The following TFDP2 variants were observed in gnomAD, a reference collection of about 807,000 sequenced individuals.
The protein encoded by TFDP2 is transcription factor Dp-2 (E2F dimerization partner 2).
Under a neutral mutation model 59.3 loss-of-function variants are expected in TFDP2, and 17 were observed. The ratio of observed to expected loss-of-function variants is 0.29; its 90% CI spans 0.20 to 0.43. TFDP2 has a LOEUF of 0.43. TFDP2 is among the 20% of genes least tolerant of loss of function. The pLI, the probability that TFDP2 is intolerant of heterozygous loss-of-function variation, is 1.00. For synonymous variants in TFDP2, 180 were observed against 194.7 expected, an observed-to-expected ratio of 0.92 and a Z score of 0.63; for missense variants, 391 against 528.8, an observed-to-expected ratio of 0.74 and a Z score of 2.56.
chr3:141,958,810 G>A (rs1205750038), intron 11 of TFDP2, among the ~76,000 whole-genome samples: 2 of 152,090 alleles, frequency 1.3e-5, no homozygotes, highest in Admixed American at 6.6e-5. Context: ...GGTTTACCCC[G>A]TTCTGCCCTT....
At chr3:142,078,254 G>GCT (rs1176655484) in intron 3 of TFDP2, among the ~76,000 whole-genome samples, 1 of 152,130 alleles carries the variant, frequency 6.6e-6, no homozygotes, top group African/African-American at 2.4e-5. Context: ...AGGAGAACTC[G>GCT]CTGCCCTGAA....
chr3:141,993,454 C>T (rs11569212), intron 6 of TFDP2, 84 bp downstream of exon 6: 11,253 of 771,174 alleles, frequency 0.015, 251 homozygotes, highest in East Asian at 0.084. Flanking sequence ...AGAAAAACAT[C>T]GCATTAAACC....
chr3:142,040,798 G>A (rs569367964), intron 3 of TFDP2, among the ~76,000 whole-genome samples: 10 of 152,202 alleles, frequency 6.6e-5, no homozygotes, highest in Admixed American at 1.3e-4. Flanking sequence ...CAGCTACTTA[G>A]GAGGCTAAGG....
intron 2 of TFDP2, among the ~76,000 whole-genome samples, chr3:142,097,021 T>C (rs975288538): frequency 1.3e-5 from 2 of 152,210 alleles, no homozygotes; most frequent in East Asian, 1.9e-4. Flanking sequence ...ACACAGACCA[T>C]ATGCAAAAGA....
chr3:142,142,500 C>A (rs530393833), intron 1 of TFDP2, among the ~76,000 whole-genome samples: 1 of 152,212 alleles, frequency 6.6e-6, no homozygotes, highest in Non-Finnish European at 1.5e-5. Context: ...TTGAAAGAAT[C>A]AATATTGTTA....
chr3:142,002,317 G>GTTTTTTT (rs750047190), intron 4 of TFDP2, among the ~76,000 whole-genome samples: 7 of 106,854 alleles, frequency 6.6e-5, no homozygotes, highest in South Asian at 3.2e-4. Flanking sequence ...TATTTTTAGT[G>GTTTTTTT]TTTTTTTTTT....
At chr3:141,987,938 C>CAAAAA (rs373394427) in intron 6 of TFDP2, among the ~76,000 whole-genome samples, 1 of 129,554 alleles carries the variant, frequency 7.7e-6, no homozygotes, top group Admixed American at 7.5e-5. Flanking sequence ...GACCCTGCCT[C>CAAAAA]AAAAAAAAAA....
intron 1 of TFDP2, among the ~76,000 whole-genome samples, chr3:142,108,958 T>A (rs1174592928): frequency 6.6e-6 from 1 of 152,210 alleles, no homozygotes; most frequent in African/African-American, 2.4e-5. Context: ...GGGAAAAACA[T>A]CCGTTTTCTA....
At chr3:142,074,268 G>A (rs542066148) in intron 3 of TFDP2, among the ~76,000 whole-genome samples, 2 of 152,226 alleles carry the variant, frequency 1.3e-5, no homozygotes, top group East Asian at 3.9e-4. Context: ...AACTAGCCAG[G>A]CATGGTGGCA....
At chr3:142,048,205 A>C (rs1290434328) in intron 3 of TFDP2, among the ~76,000 whole-genome samples, 1 of 152,100 alleles carries the variant, frequency 6.6e-6, no homozygotes, top group African/African-American at 2.4e-5. Flanking sequence ...TCTTGAGCCC[A>C]GGAGTTCAAG....
At chr3:141,982,890 T>C (rs994986540) in intron 6 of TFDP2, among the ~76,000 whole-genome samples, 2 of 152,198 alleles carry the variant, frequency 1.3e-5, no homozygotes, top group African/African-American at 4.8e-5. Context: ...AACTATCAGA[T>C]ACATATTTTG....
intron 3 of TFDP2, among the ~76,000 whole-genome samples, chr3:142,063,154 T>C (rs995823030): frequency 2.0e-5 from 3 of 152,212 alleles, no homozygotes; most frequent in Admixed American, 6.5e-5. Flanking sequence ...GTCATGGATA[T>C]GTTACAAATA....
rs922468237 is a variant in TFDP2 at position 142,116,783 on chromosome 3, G to A, written c.-92-14942C>T. On this transcript the variant is annotated intron_variant, in intron 1 of 12. Transcript: ENST00000489671. ...TGGGGTTCTCCATTATATTTTCCTA[G>A]CTGTATGCATATAAGTTACGTTTTT... Among the ~76,000 whole-genome samples the A allele has an allele frequency of 3.3e-5, 5 of 150,846 alleles. No individual in the cohort carries two copies. In the East Asian group the frequency reaches 7.7e-4, roughly 23 times the overall value.
chr3:141,994,120 T>C (rs1670639340), intron 5 of TFDP2: 2 of 152,342 alleles, frequency 1.3e-5, no homozygotes, highest in South Asian at 4.1e-4. Context: ...CATTTGATAA[T>C]GGAAAAGTAT....
chr3:142,058,597 ATAGCAC>A (rs1040306602), intron 3 of TFDP2, among the ~76,000 whole-genome samples: 1 of 152,166 alleles, frequency 6.6e-6, no homozygotes, highest in African/African-American at 2.4e-5. Context: ...AGAACTCAGT[ATAGCAC>A]TTTACTTACT....
chr3:142,105,184 A>T (rs2061433925), intron 1 of TFDP2, among the ~76,000 whole-genome samples: 2 of 152,210 alleles, frequency 1.3e-5, no homozygotes, highest in Admixed American at 1.3e-4. Context: ...TTATAACAAA[A>T]AAACTACTAA....
chr3:141,961,570 T>C (rs910738610), intron 10 of TFDP2, among the ~76,000 whole-genome samples: 2 of 152,140 alleles, frequency 1.3e-5, no homozygotes, highest in East Asian at 1.9e-4. Flanking sequence ...GAGACTATGT[T>C]AATGGTCCTC....
At chr3:141,994,157 A>T (rs1943047844) in intron 5 of TFDP2, 1 of 152,274 alleles carries the variant, frequency 6.6e-6, no homozygotes, top group Admixed American at 6.5e-5. Flanking sequence ...TCTGTCTTTA[A>T]TGTATTTGTG....
At chr3:141,996,282 G>C (rs565722307) in intron 4 of TFDP2, among the ~76,000 whole-genome samples, 1 of 152,160 alleles carries the variant, frequency 6.6e-6, no homozygotes, top group African/African-American at 2.4e-5. Flanking sequence ...AAAAAAAGGG[G>C]AAGAGGCATG....
Sources: gnomAD v4.1 joint callset for allele counts (sites outside exome capture counted in the v4.1 genomes callset) on GRCh38, gnomAD v4.1.1 for gene constraint, MANE v1.5 for transcripts, NCBI Gene and HGNC (gene_info 2026-07-23, HGNC 2026-07-21) for gene names.